MCM9: variants seen among roughly 807,000 people sequenced by gnomAD.
MCM9 encodes minichromosome maintenance 9 homologous recombination repair factor.
Under a neutral mutation model 72.8 loss-of-function variants are expected in MCM9, and 55 were observed. That is an observed-to-expected ratio of 0.76 (90% CI 0.61 to 0.95). MCM9 has a LOEUF of 0.95. Ranked by LOEUF, MCM9 falls within the 40% of genes least tolerant of loss-of-function variation. The pLI is 0.00. For missense variants in MCM9, 1,279 were observed against 1,377.0 expected, an observed-to-expected ratio of 0.93 and a Z score of 1.13; for synonymous variants, 480 against 503.4, an observed-to-expected ratio of 0.95 and a Z score of 0.62.
At position 118,815,096 on chromosome 6, in the gene MCM9, T is replaced by G; in HGVS notation, c.3160A>C (p.Thr1054Pro). Residue 1054 changes from threonine (T) to proline (P), a missense_variant, in exon 14 of 14, where the codon ACA (threonine) becomes CCA (proline). Thr to Pro is a conservative substitution (Grantham distance 38, BLOSUM62 -1). Transcript: ENST00000619706. ...CAGAAGTTTGCCAATCTGGCTAATG[T>G]GCAGGCATGAACCTTGCCGCTTTTA... ...SNKSGKVHAC[T>P]LARLANFCFT... 5 of 1,550,868 alleles carry G rather than the reference T, an allele frequency of 3.2e-6. No individual in the cohort carries two copies. The highest frequency in any genetic ancestry group is 2.4e-5 in the East Asian group (1 of 40,912).
intron 13 of MCM9, among the ~76,000 whole-genome samples, chr6:118,819,278 T>A (rs1193280933): frequency 2.0e-5 from 3 of 152,206 alleles, no homozygotes; most frequent in African/African-American, 4.8e-5. Context: ...GCTCTTATTA[T>A]TTTGAGATAC....
chr6:118,827,116 C>T (rs377332999), intron 11 of MCM9, among the ~76,000 whole-genome samples: 3 of 152,114 alleles, frequency 2.0e-5, no homozygotes, highest in East Asian at 1.9e-4. Flanking sequence ...AGCAAAAAAA[C>T]GGGCTATATA....
At chr6:118,825,468 A>G (rs1000268004) in intron 13 of MCM9, among the ~76,000 whole-genome samples, 2 of 152,050 alleles carry the variant, frequency 1.3e-5, no homozygotes, top group African/African-American at 4.8e-5. Context: ...AATTCTTTGC[A>G]GCTGTTCCAC....
chr6:118,882,373 G>C (rs1169351157), intron 8 of MCM9, among the ~76,000 whole-genome samples: 1 of 152,216 alleles, frequency 6.6e-6, no homozygotes, highest in African/African-American at 2.4e-5. Flanking sequence ...GCCTAATGGA[G>C]ATTTTGGTAG....
chr6:118,820,056 T>A (rs1583322490), intron 13 of MCM9, among the ~76,000 whole-genome samples: 1 of 152,332 alleles, frequency 6.6e-6, no homozygotes, highest in East Asian at 1.9e-4. Flanking sequence ...ATTTTGTTAA[T>A]CTTTTCAAAA....
At chr6:118,871,250 T>G (rs1306486256) in intron 8 of MCM9, among the ~76,000 whole-genome samples, 5 of 152,172 alleles carry the variant, frequency 3.3e-5, no homozygotes, top group Non-Finnish European at 5.9e-5. Flanking sequence ...CTCACCATAT[T>G]CAACAATACA....
chr6:118,925,688 A>C (rs1485240770), intron 3 of MCM9, among the ~76,000 whole-genome samples: 1 of 152,166 alleles, frequency 6.6e-6, no homozygotes, highest in Non-Finnish European at 1.5e-5. Context: ...TTTCTAATGA[A>C]CATATTCATT....
intron 8 of MCM9, chr6:118,900,940 C>G (rs549129107): frequency 3.2e-5 from 38 of 1,180,748 alleles, no homozygotes; most frequent in Non-Finnish European, 4.8e-5. Flanking sequence ...ACTATATTAT[C>G]TATTATCTTA....
chr6:118,910,116 CAAAAAA>C (rs67533661), intron 8 of MCM9, among the ~76,000 whole-genome samples: 2 of 110,766 alleles, frequency 1.8e-5, no homozygotes, highest in Admixed American at 9.0e-5. Flanking sequence ...GACTCTATCT[CAAAAAA>C]AAAAAAAAAA....
At chr6:118,894,144 G>A (rs1779171761) in intron 8 of MCM9, 2 of 1,231,820 alleles carry the variant, frequency 1.6e-6, no homozygotes, top group African/African-American at 1.5e-5. Flanking sequence ...CGCTGGAGGA[G>A]GAGGGTCAGA....
intron 8 of MCM9, among the ~76,000 whole-genome samples, chr6:118,871,357 A>G (rs1263490398): frequency 2.0e-5 from 3 of 152,244 alleles, no homozygotes; most frequent in Non-Finnish European, 2.9e-5. Context: ...CCCCATATTA[A>G]CAAAATGAAG....
chr6:118,852,194 AAGGT>A (rs1321198735), intron 9 of MCM9, among the ~76,000 whole-genome samples: 1 of 152,238 alleles, frequency 6.6e-6, no homozygotes, highest in African/African-American at 2.4e-5. Context: ...CAGCAAAAAT[AAGGT>A]ATTCTAATCT....
chr6:118,842,445 G>A (rs1775439061), intron 9 of MCM9, among the ~76,000 whole-genome samples: 1 of 152,184 alleles, frequency 6.6e-6, no homozygotes, highest in Non-Finnish European at 1.5e-5. Context: ...ACACTGTCAT[G>A]TGGCACTGTG....
At chr6:118,891,004 C>A (rs2114451948) in intron 8 of MCM9, among the ~76,000 whole-genome samples, 1 of 152,238 alleles carries the variant, frequency 6.6e-6, no homozygotes, top group Non-Finnish European at 1.5e-5. Flanking sequence ...ATTCCTAGTT[C>A]TAATGTATTT....
chr6:118,912,594 A>G (rs760420333), intron 7 of MCM9: 1 of 152,226 alleles, frequency 6.6e-6, no homozygotes, highest in Admixed American at 6.5e-5. Context: ...TATACTTACT[A>G]TTCTATACTG....
In MCM9 at chr6:118,856,495, C is replaced by G. The variant is rs1190216409; in HGVS notation, c.1201G>C (p.Gly401Arg). ...KDSGEWNLEA[G>R]ALVLADAGLC... Reference sequence around the variant, plus strand: ...CCCGCATCTGCAAGAACTAATGCCCCAGCCTCCAAATTCCATTCTCCTGAG... The same window carrying G: ...CCCGCATCTGCAAGAACTAATGCCCGAGCCTCCAAATTCCATTCTCCTGAG... The change falls in exon 9 of 14, where the codon GGG becomes CGG. Residue 401 changes from glycine to arginine, a missense_variant. Physicochemically the swap from Gly to Arg is moderately radical, Grantham distance 125 (BLOSUM62 -2). Coordinates refer to ENST00000619706, the MANE Select transcript of MCM9 (RefSeq NM_017696.3). 14 of 1,535,560 alleles carry G rather than the reference C, an allele frequency of 9.1e-6. No individual in the cohort carries two copies. Among genetic ancestry groups the G allele is most frequent in the Non-Finnish European group, 1.2e-5 (14 of 1,146,904 alleles).
At chr6:118,817,275 C>T (rs1773468865) in intron 13 of MCM9, among the ~76,000 whole-genome samples, 1 of 151,792 alleles carries the variant, frequency 6.6e-6, no homozygotes, top group Non-Finnish European at 1.5e-5. Flanking sequence ...TGTCCTAATG[C>T]TCTCCCTCCC....
At chr6:118,896,036 C>T (rs894474615) in intron 8 of MCM9, among the ~76,000 whole-genome samples, 2 of 141,910 alleles carry the variant, frequency 1.4e-5, no homozygotes, top group South Asian at 2.3e-4. Flanking sequence ...TTAACATGTG[C>T]CCCCGTTTTT....
At chr6:118,886,117 C>T (rs1299143449) in intron 8 of MCM9, among the ~76,000 whole-genome samples, 9 of 149,898 alleles carry the variant, frequency 6.0e-5, no homozygotes, top group Non-Finnish European at 1.2e-4. Flanking sequence ...AAGCATTTGA[C>T]AAAATTCAAT....
Sources: gnomAD v4.1 joint callset for allele counts (sites outside exome capture counted in the v4.1 genomes callset) on GRCh38, gnomAD v4.1.1 for gene constraint, MANE v1.5 for transcripts, NCBI Gene and HGNC (gene_info 2026-07-23, HGNC 2026-07-21) for gene names.